Variants in GNA12 observed in about 807,000 individuals in gnomAD.
GNA12 encodes guanine nucleotide-binding protein subunit alpha-12.
A neutral mutation model predicts 26.0 loss-of-function variants in GNA12; 9 were observed. The ratio of observed to expected loss-of-function variants is 0.35; its 90% confidence interval spans 0.21 to 0.60. The LOEUF is 0.60. Ranked by LOEUF, GNA12 falls within the 20% of genes least tolerant of loss-of-function variation. GNA12 has a pLI of 0.78. For synonymous variants in GNA12, 264 were observed against 219.6 expected, an observed-to-expected ratio of 1.20 and a Z score of -1.79; for missense variants, 405 against 525.8, an observed-to-expected ratio of 0.77 and a Z score of 2.25.
At chr7:2,752,377 G>A (rs1041125395) in intron 2 of GNA12, among the ~76,000 whole-genome samples, 2 of 152,180 alleles carry the variant, frequency 1.3e-5, no homozygotes, top group African/African-American at 4.8e-5. Flanking sequence ...CTAACACTGG[G>A]TGTAAGGCAA....
chr7:2,814,649 T>C (rs1420989753), intron 1 of GNA12, among the ~76,000 whole-genome samples: 1 of 151,490 alleles, frequency 6.6e-6, no homozygotes, highest in African/African-American at 2.4e-5. Flanking sequence ...TTTTTTTTTT[T>C]TTCGTGGCAT....
At chr7:2,814,321 A>C (rs779503055) in intron 1 of GNA12, 4 of 1,569,284 alleles carry the variant, frequency 2.5e-6, no homozygotes, top group Non-Finnish European at 3.5e-6. Context: ...CCCTGGACCC[A>C]GGGTGTGCAA....
intron 1 of GNA12, among the ~76,000 whole-genome samples, chr7:2,828,885 C>G (rs1310778923): frequency 6.6e-6 from 1 of 152,046 alleles, no homozygotes; most frequent in African/African-American, 2.4e-5. Context: ...GCAAAATCTA[C>G]AAAAATCTTA....
intron 2 of GNA12, among the ~76,000 whole-genome samples, chr7:2,739,924 T>C (rs1790413997): frequency 1.3e-5 from 2 of 152,190 alleles, no homozygotes; most frequent in Non-Finnish European, 1.5e-5. Context: ...CCGCCCGCCT[T>C]GGCCTCTGAA....
At chr7:2,749,104 G>T (rs1301970094) in intron 2 of GNA12, among the ~76,000 whole-genome samples, 1 of 152,220 alleles carries the variant, frequency 6.6e-6, no homozygotes, top group African/African-American at 2.4e-5. Flanking sequence ...TCAGTGTGGC[G>T]ATTCCTCAGG....
intron 2 of GNA12, among the ~76,000 whole-genome samples, chr7:2,761,645 CAA>C (rs2115398028): frequency 6.6e-6 from 1 of 152,280 alleles, no homozygotes; most frequent in South Asian, 2.1e-4. Context: ...GGACGGAACC[CAA>C]AGACAATTTC....
intron 1 of GNA12, among the ~76,000 whole-genome samples, chr7:2,800,487 A>G (rs1792783068): frequency 1.3e-5 from 2 of 152,210 alleles, no homozygotes; most frequent in Admixed American, 6.5e-5. Context: ...AGCATACTGA[A>G]ATTATGTCTG....
chr7:2,754,032 G>A (rs913595072), intron 2 of GNA12, among the ~76,000 whole-genome samples: 1 of 152,152 alleles, frequency 6.6e-6, no homozygotes, highest in African/African-American at 2.4e-5. Flanking sequence ...TAAGTTCAGC[G>A]TTACTCTCTG....
chr7:2,825,636 G>GTATA (rs1327023532), intron 1 of GNA12, among the ~76,000 whole-genome samples: 9 of 152,152 alleles, frequency 5.9e-5, no homozygotes, highest in Non-Finnish European at 2.9e-5. Flanking sequence ...CGAGCTGATG[G>GTATA]GAGGCTGAGG....
chr7:2,761,673 T>C (rs954064228), intron 2 of GNA12, among the ~76,000 whole-genome samples: 8 of 152,184 alleles, frequency 5.3e-5, no homozygotes, highest in Admixed American at 3.3e-4. Context: ...ATTTACAATT[T>C]GCAGCTATTG....
chr7:2,793,600 G>C (rs1458357807), intron 2 of GNA12, among the ~76,000 whole-genome samples: 1 of 152,060 alleles, frequency 6.6e-6, no homozygotes, highest in African/African-American at 2.4e-5. Flanking sequence ...GATATGAATA[G>C]GGTGGGGCAT....
chr7:2,794,107 A>G (rs774892675), intron 2 of GNA12, among the ~76,000 whole-genome samples: 1 of 152,170 alleles, frequency 6.6e-6, no homozygotes, highest in African/African-American at 2.4e-5. Context: ...CTATACACTA[A>G]GAAATGACTT....
intron 2 of GNA12, among the ~76,000 whole-genome samples, chr7:2,778,937 G>C (rs983340381): frequency 3.3e-5 from 5 of 152,186 alleles, no homozygotes; most frequent in Non-Finnish European, 7.3e-5. Flanking sequence ...TTCAGATTAA[G>C]GGTACGTTAT....
At chr7:2,843,317 T>G (rs1779057546) in intron 1 of GNA12, among the ~76,000 whole-genome samples, 1 of 151,718 alleles carries the variant, frequency 6.6e-6, no homozygotes, top group Admixed American at 6.6e-5. Context: ...CTGGCCCGAG[T>G]TCCCACTCCC....
chr7:2,774,608 C>CG (rs1217252458), intron 2 of GNA12, among the ~76,000 whole-genome samples: 4 of 152,098 alleles, frequency 2.6e-5, no homozygotes, highest in South Asian at 2.1e-4. Flanking sequence ...GCTAATGTGT[C>CG]GAATGCTTTA....
chr7:2,769,637 G>A (rs1392907615), intron 2 of GNA12, among the ~76,000 whole-genome samples: 2 of 152,244 alleles, frequency 1.3e-5, no homozygotes, highest in East Asian at 3.9e-4. Flanking sequence ...GGAGGCTGAG[G>A]CAGGACAATG....
At chr7:2,824,477 C>T (rs571411391) in intron 1 of GNA12, among the ~76,000 whole-genome samples, 1 of 152,146 alleles carries the variant, frequency 6.6e-6, no homozygotes, top group Non-Finnish European at 1.5e-5. Flanking sequence ...GACATGGACA[C>T]GCTCTCGCCC....
chr7:2,807,783 T>C (rs140619601), intron 1 of GNA12, among the ~76,000 whole-genome samples: 1,830 of 152,274 alleles, frequency 0.012, 38 homozygotes, highest in Admixed American at 0.042. Context: ...AAAAACGCAC[T>C]TGGACATGGC....
chr7:2,740,969 C>A (rs531895795), intron 2 of GNA12, among the ~76,000 whole-genome samples: 5 of 152,080 alleles, frequency 3.3e-5, no homozygotes, highest in African/African-American at 1.2e-4. Flanking sequence ...GGTGTGAACC[C>A]GGGAGGCAGA....
Sources: allele counts gnomAD v4.1 joint callset (sites outside exome capture counted in the v4.1 genomes callset), GRCh38; gene constraint gnomAD v4.1.1; transcripts MANE v1.5; gene names NCBI Gene and HGNC (gene_info 2026-07-23, HGNC 2026-07-21).